IPCEF1: variants seen among roughly 807,000 people sequenced by gnomAD.
The protein encoded by IPCEF1 is interaction protein for cytohesin exchange factors 1, also known as interactor protein for cytohesin exchange factors 1.
IPCEF1 carries 31 observed loss-of-function variants against 50.9 expected under a neutral mutation model. The ratio of observed to expected loss-of-function variants is 0.61; its 90% CI spans 0.46 to 0.82. IPCEF1 has a LOEUF of 0.82. Ranked by LOEUF, IPCEF1 falls within the 40% of genes least tolerant of loss-of-function variation. IPCEF1 has a pLI of 0.00. For synonymous variants in IPCEF1, 181 were observed against 192.0 expected (o/e 0.94, Z 0.47); for missense variants, 458 against 514.0 (o/e 0.89, Z 1.05).
At chr6:154,328,439 T>C (rs1385141949) in intron 1 of IPCEF1, among the ~76,000 whole-genome samples, 1 of 152,040 alleles carries the variant, frequency 6.6e-6, no homozygotes, top group Non-Finnish European at 1.5e-5. Flanking sequence ...TTAGCAGCCC[T>C]AAGAAGTTCT....
At chr6:154,203,569 T>C (rs1366705184) in intron 9 of IPCEF1, among the ~76,000 whole-genome samples, 2 of 152,084 alleles carry the variant, frequency 1.3e-5, no homozygotes, top group Non-Finnish European at 2.9e-5. Context: ...GAGCCGACTT[T>C]TCGTGTAGGT....
At chr6:154,251,493 T>C (rs573160825) in intron 3 of IPCEF1, among the ~76,000 whole-genome samples, 2 of 152,330 alleles carry the variant, frequency 1.3e-5, no homozygotes, top group African/African-American at 4.8e-5. Flanking sequence ...ATTACTAGCA[T>C]TGAACTCTCA....
intron 6 of IPCEF1, among the ~76,000 whole-genome samples, chr6:154,222,588 A>C (rs886680539): frequency 6.6e-6 from 1 of 152,168 alleles, no homozygotes; most frequent in Non-Finnish European, 1.5e-5. Flanking sequence ...CGCTCATGAG[A>C]TCTAAGCAGG....
intron 1 of IPCEF1, among the ~76,000 whole-genome samples, chr6:154,331,661 C>T (rs920572419): frequency 3.9e-5 from 6 of 152,164 alleles, no homozygotes; most frequent in Non-Finnish European, 7.3e-5. Context: ...AGAGTAGGCT[C>T]AAGCATGTGC....
intron 1 of IPCEF1, among the ~76,000 whole-genome samples, chr6:154,322,619 A>G (rs566936707): frequency 6.6e-6 from 1 of 152,106 alleles, no homozygotes; most frequent in African/African-American, 2.4e-5. Context: ...AGGCAGATCA[A>G]TGAGGCCAGG....
chr6:154,167,971 T>C lies in IPCEF1; in HGVS notation c.1053A>G (p.Pro351=), dbSNP rs766882162. 5.6e-6 allele frequency: 9 copies of C among 1,607,794 alleles called. No individual in the cohort carries two copies. The highest frequency in any genetic ancestry group is 3.3e-5 in the Admixed American group (2 of 59,848). Residue 351 remains proline (P), a synonymous_variant, in exon 11 of 12, where the codon CCA becomes CCG. Coordinates refer to ENST00000367220, the MANE Select transcript of IPCEF1 (RefSeq NM_001130700.2). ...RKSFVKRCKN[P]SINEKLHKIR... ...TTTTGTGGAGTTTCTCGTTTATAGATGGATTTTTACACCGCTTAACAAAGG... is the reference window on the plus strand; with the variant it reads ...TTTTGTGGAGTTTCTCGTTTATAGACGGATTTTTACACCGCTTAACAAAGG...
intron 2 of IPCEF1, among the ~76,000 whole-genome samples, chr6:154,280,801 G>T (rs1213370179): frequency 6.6e-6 from 1 of 152,216 alleles, no homozygotes; most frequent in Non-Finnish European, 1.5e-5. Flanking sequence ...GACTGAAGTG[G>T]CAGTTGCAAG....
At chr6:154,208,081 T>C (rs1055971334) in intron 9 of IPCEF1, among the ~76,000 whole-genome samples, 3 of 151,882 alleles carry the variant, frequency 2.0e-5, no homozygotes, top group Admixed American at 6.5e-5. Flanking sequence ...ACAGAGCAGA[T>C]TGGGGGCTCC....
rs1798787235 is a variant in IPCEF1, at chr6:154,158,104, T to TTTG, written c.*1723_*1724insCAA. 6.6e-6 allele frequency: 1 copy of TTTG among 152,276 alleles called. No individual in the cohort carries two copies. Among genetic ancestry groups the TTTG allele is most frequent in the Non-Finnish European group, 1.5e-5 (1 of 68,056 alleles). The allele number at this position is 152,276 out of a possible 1,614,324, so 9.4% of individuals were successfully genotyped here. ...AGGTTGTTTTTTGTTTGTTTGTTTG[T>TTTG]TTACAGAGTATTAAGGCTTCTTAGT... is the stretch of plus-strand genomic sequence containing the variant. On this transcript the variant is annotated 3_prime_UTR_variant, in exon 12 of 12. Coordinates refer to ENST00000367220, the MANE Select transcript of IPCEF1 (RefSeq NM_001130700.2).
chr6:154,303,673 G>T (rs1782856965), intron 1 of IPCEF1, among the ~76,000 whole-genome samples: 1 of 152,158 alleles, frequency 6.6e-6, no homozygotes, highest in African/African-American at 2.4e-5. Flanking sequence ...TGTAATTCCA[G>T]CACTTTGAGA....
intron 2 of IPCEF1, among the ~76,000 whole-genome samples, chr6:154,270,277 T>G (rs35073776): frequency 0.22 from 32,771 of 152,158 alleles, 4,251 homozygotes; most frequent in Admixed American, 0.43. Flanking sequence ...AAGTAACTGT[T>G]GTGATAAATC....
intron 10 of IPCEF1, among the ~76,000 whole-genome samples, chr6:154,193,850 A>G (rs868586130): frequency 2.0e-5 from 3 of 152,208 alleles, no homozygotes; most frequent in Non-Finnish European, 4.4e-5. Flanking sequence ...TTTTCTTCCA[A>G]TGCTGTTTTC....
At chr6:154,212,633 T>C (rs1262228542) in intron 9 of IPCEF1, 137 bp downstream of exon 9, 1 of 619,970 alleles carries the variant, frequency 1.6e-6, no homozygotes, top group Non-Finnish European at 2.9e-6. Flanking sequence ...CCCTGAAAAT[T>C]GCACTTGCTC....
At chr6:154,213,232 G>C (rs2128606716) in intron 8 of IPCEF1, 1 of 213,758 alleles carries the variant, frequency 4.7e-6, no homozygotes, top group South Asian at 8.2e-5. Flanking sequence ...AACTATCAGT[G>C]GTGCACAACT....
At chr6:154,164,151 C>T (rs1007794012) in intron 11 of IPCEF1, among the ~76,000 whole-genome samples, 2 of 152,154 alleles carry the variant, frequency 1.3e-5, no homozygotes, top group African/African-American at 4.8e-5. Context: ...AAGGAAGATC[C>T]TAATTTTTCA....
intron 5 of IPCEF1, among the ~76,000 whole-genome samples, chr6:154,226,500 G>A (rs1779262583): frequency 6.6e-6 from 1 of 151,776 alleles, no homozygotes; most frequent in African/African-American, 2.4e-5. Context: ...TTCCCTTCTC[G>A]GTGCCCATGC....
intron 10 of IPCEF1, among the ~76,000 whole-genome samples, chr6:154,175,637 C>T (rs893817397): frequency 6.6e-6 from 1 of 152,268 alleles, no homozygotes; most frequent in South Asian, 2.1e-4. Flanking sequence ...AGTTGAATCT[C>T]TGAATAGACT....
At chr6:154,181,047 C>T (rs924309430) in intron 10 of IPCEF1, among the ~76,000 whole-genome samples, 7 of 152,080 alleles carry the variant, frequency 4.6e-5, no homozygotes, top group African/African-American at 1.7e-4. Context: ...AAAGGCTTTA[C>T]ACATGTTATT....
intron 1 of IPCEF1, among the ~76,000 whole-genome samples, chr6:154,307,952 C>T (rs1481973471): frequency 6.6e-6 from 1 of 152,140 alleles, no homozygotes; most frequent in Non-Finnish European, 1.5e-5. Flanking sequence ...AGAACACTTC[C>T]CAGGAGGCTC....
Sources: allele counts gnomAD v4.1 joint callset (sites outside exome capture counted in the v4.1 genomes callset), GRCh38; gene constraint gnomAD v4.1.1; transcripts MANE v1.5; gene names NCBI Gene and HGNC (gene_info 2026-07-23, HGNC 2026-07-21).